Variants in BSPRY observed in about 807,000 individuals in gnomAD.
BSPRY encodes B box and SPRY domain-containing protein.
BSPRY carries 33 observed loss-of-function variants against 38.0 expected under a neutral mutation model. The observed-to-expected ratio is 0.87, with a 90% confidence interval of 0.66 to 1.16. The LOEUF (loss-of-function observed/expected upper bound fraction) is 1.16, where lower values mean the gene tolerates loss of function less well. BSPRY is among the 50% of genes most tolerant of loss of function. The pLI is 0.00. For missense variants in BSPRY, 523 were observed against 533.2 expected (o/e 0.98, Z 0.19); for synonymous variants, 224 against 228.5 (o/e 0.98, Z 0.18).
At chr9:113,363,110 A>C (rs538406452) in intron 4 of BSPRY, among the ~76,000 whole-genome samples, 41 of 152,290 alleles carry the variant, frequency 2.7e-4, no homozygotes, top group African/African-American at 9.6e-4. Context: ...ATACATGTGC[A>C]TGAGAGAAAA....
chr9:113,355,442 A>G (rs142800670), intron 2 of BSPRY, among the ~76,000 whole-genome samples: 2 of 152,198 alleles, frequency 1.3e-5, no homozygotes, highest in East Asian at 3.9e-4. Context: ...GAAAGCTGCT[A>G]GGAGTCCAGG....
chr9:113,353,779 TAA>T (rs1199441084), intron 1 of BSPRY, among the ~76,000 whole-genome samples: 1 of 152,154 alleles, frequency 6.6e-6, no homozygotes, highest in Admixed American at 6.6e-5. Flanking sequence ...GTACTAAAGA[TAA>T]AGTCACTTAG....
Position 113,358,260 on chromosome 9 carries a change from A to G in BSPRY, c.301-2247A>G, listed in dbSNP as rs549755008. Among the ~76,000 whole-genome samples, 29 of 151,420 alleles carry G rather than the reference A, an allele frequency of 1.9e-4. No homozygotes were observed. In the East Asian group the frequency reaches 5.5e-3, roughly 29 times the overall value. On this transcript the variant is annotated intron_variant, in intron 2 of 5. Coordinates refer to ENST00000374183, the MANE Select transcript of BSPRY (RefSeq NM_017688.3). Reference sequence around the variant, plus strand: ...GAGACCCTGTCTCAAAAAACAAAAAATAAAAACCTCTTTTTTTTTCTTTTT... The same window carrying G: ...GAGACCCTGTCTCAAAAAACAAAAAGTAAAAACCTCTTTTTTTTTCTTTTT...
At chr9:113,351,209 A>T (rs1398023371) in intron 1 of BSPRY, among the ~76,000 whole-genome samples, 1 of 152,096 alleles carries the variant, frequency 6.6e-6, no homozygotes, top group Non-Finnish European at 1.5e-5. Context: ...GTACTACCCT[A>T]GGGAACCTTC....
chr9:113,355,318 T>A (rs1206449585), intron 2 of BSPRY, among the ~76,000 whole-genome samples: 1 of 152,204 alleles, frequency 6.6e-6, no homozygotes, highest in Non-Finnish European at 1.5e-5. Context: ...TAGTCAGAGT[T>A]CTTTTAATTG....
In BSPRY at chr9:113,354,289, T is replaced by G; in HGVS notation, c.251T>G (p.Ile84Ser). 6.2e-7 allele frequency: 1 copy of G among 1,614,174 alleles called. No homozygotes were observed. Among genetic ancestry groups the G allele is most frequent in the East Asian group, 2.2e-5 (1 of 44,884 alleles). ...CERLQLQSAA[I>S]TKYVADVLPG... Reference sequence around the variant, plus strand: ...AGGCTGCAGTTACAGAGTGCTGCCATCACCAAGTATGTGGCGGACGTCCTG... The same window carrying G: ...AGGCTGCAGTTACAGAGTGCTGCCAGCACCAAGTATGTGGCGGACGTCCTG... The change falls in exon 2 of 6, where the codon ATC becomes AGC. Residue 84 changes from isoleucine (I) to serine (S), a missense_variant. Transcript: ENST00000374183.
Position 113,369,977 on chromosome 9 carries a change from G to A in BSPRY, c.1044G>A (p.Leu348=), listed in dbSNP as rs1159394965. The A allele has an allele frequency of 6.2e-7, 1 of 1,614,142 alleles. No individual in the cohort carries two copies. Among genetic ancestry groups the A allele is most frequent in the East Asian group, 2.2e-5 (1 of 44,890 alleles). The change falls in exon 6 of 6, where the codon CTG becomes CTA. Residue 348 remains leucine, a synonymous_variant. Transcript: ENST00000374183. The stretch of plus-strand genomic sequence containing the variant: ...GGCAGCACGAGCCCCTGGGGCTGCT[G>A]CGGGGCCCAGCCCAGCTGGGTGTAG... ...HNGQHEPLGL[L]RGPAQLGVVL...
At chr9:113,365,661 A>G (rs1834235264) in intron 4 of BSPRY, among the ~76,000 whole-genome samples, 1 of 152,088 alleles carries the variant, frequency 6.6e-6, no homozygotes, top group African/African-American at 2.4e-5. Context: ...AAGGGTACTC[A>G]GTGACCTTGC....
intron 4 of BSPRY, among the ~76,000 whole-genome samples, chr9:113,363,573 T>A (rs566975016): frequency 5.2e-4 from 79 of 152,068 alleles, no homozygotes; most frequent in Non-Finnish European, 1.0e-3. Flanking sequence ...ATGTGGCGGT[T>A]TTTTGGTTGT....
intron 2 of BSPRY, among the ~76,000 whole-genome samples, chr9:113,356,009 T>C (rs1834051941): frequency 6.6e-6 from 1 of 152,234 alleles, no homozygotes; most frequent in Non-Finnish European, 1.5e-5. Flanking sequence ...TGCCAGATAC[T>C]GTTGTTCAAT....
In BSPRY at chr9:113,349,728, G is replaced by A. The variant is rs1430690542; in HGVS notation, c.149G>A (p.Arg50His). The A allele has an allele frequency of 8.1e-7, 1 of 1,236,828 alleles. No individual in the cohort carries two copies. The highest frequency in any genetic ancestry group is 1.0e-6 in the Non-Finnish European group (1 of 991,842). 76.6% of individuals were successfully genotyped at this position (1,236,828 alleles called of 1,614,324 possible). A position where few individuals can be genotyped will look rare whatever the true frequency, so the allele number is the denominator to read the frequency against. ...GCCGCCTGCGCGGGGTTGGGCGGTC[G>A]CTGCCGGGGGCACCGCATCCGCCGG... is the stretch of plus-strand genomic sequence containing the variant. Reference protein sequence around the residue: ...VCAACAGLGGRCRGHRIRRAE... With the variant: ...VCAACAGLGGHCRGHRIRRAE... Residue 50 changes from arginine (R) to histidine (H), a missense_variant, in exon 1 of 6, where the codon CGC (arginine) becomes CAC (histidine). Coordinates refer to ENST00000374183, the MANE Select transcript of BSPRY (RefSeq NM_017688.3).
At chr9:113,354,893 T>C (rs1299735238) in intron 2 of BSPRY, among the ~76,000 whole-genome samples, 1 of 152,132 alleles carries the variant, frequency 6.6e-6, no homozygotes, top group Non-Finnish European at 1.5e-5. Flanking sequence ...AGATGGGGCC[T>C]CACTCTGTTG....
rs192218285 is a variant in BSPRY, at chr9:113,369,743, C to T, written c.810C>T (p.Asp270=). Residue 270 remains aspartate, a synonymous_variant, in exon 6 of 6, where the codon GAC becomes GAT. Transcript: ENST00000374183. The part of the protein sequence containing the change: ...KACADGPERF[D]HWPNALAATS... ...GTGCAGATGGCCCGGAGCGCTTCGACCACTGGCCCAATGCCCTGGCTGCCA... is the reference window on the plus strand; with the variant it reads ...GTGCAGATGGCCCGGAGCGCTTCGATCACTGGCCCAATGCCCTGGCTGCCA... 3.7e-4 allele frequency: 595 copies of T among 1,614,244 alleles called. 10 individuals are homozygous for T. In the East Asian group the frequency reaches 0.013, roughly 35 times the overall value.
At chr9:113,369,327 C>T (rs957529878) in intron 5 of BSPRY, among the ~76,000 whole-genome samples, 5 of 152,178 alleles carry the variant, frequency 3.3e-5, no homozygotes, top group Non-Finnish European at 7.3e-5. Context: ...TTATTTCTAT[C>T]AGAGTTTACA....
At position 113,368,418 on chromosome 9, in the gene BSPRY, A is replaced by G. The variant is rs753326494; in HGVS notation, c.682+35A>G. 3.1e-6 allele frequency: 5 copies of G among 1,603,646 alleles called. No individual in the cohort carries two copies. The South Asian group carries it at 3.3e-5, about 11-fold the overall frequency. ...AGTAGAGCCCAGGACCATTAGGACA[A>G]CTGGGCTTCTGTCTGTCTGTCTGGG... On this transcript the variant is annotated intron_variant, in intron 5 of 5. Transcript: ENST00000374183.
At chr9:113,350,189 T>C (rs1367519146) in intron 1 of BSPRY, among the ~76,000 whole-genome samples, 1 of 152,074 alleles carries the variant, frequency 6.6e-6, no homozygotes, top group Non-Finnish European at 1.5e-5. Context: ...GCTCAGCTGC[T>C]CCAGTTCTCA....
rs894273068 is a variant in BSPRY, at chr9:113,362,512, G to A, written c.557+118G>A. 1.1e-5 allele frequency: 12 copies of A among 1,090,668 alleles called. No homozygotes were observed. The African/African-American group carries it at 1.7e-4, about 15-fold the overall frequency. The allele number at this position is 1,090,668 out of a possible 1,614,324, so 67.6% of individuals were successfully genotyped here. On this transcript the variant is annotated intron_variant, in intron 4 of 5. Coordinates refer to ENST00000374183, the MANE Select transcript of BSPRY (RefSeq NM_017688.3). ...AATGCACAGGGTGTGCAGCTGAGTGGCTTTTCTGGAGCCTGGCTCTGTGGA... is the reference window on the plus strand; with the variant it reads ...AATGCACAGGGTGTGCAGCTGAGTGACTTTTCTGGAGCCTGGCTCTGTGGA...
In BSPRY at chr9:113,369,630, CGG is replaced by C. The variant is rs746737829; in HGVS notation, c.698_699del (p.Arg233HisfsTer3). On this transcript the variant is annotated frameshift_variant, in exon 6 of 6. Transcript: ENST00000374183. LOFTEE classifies it high-confidence loss of function. Reference protein sequence around the residue: ...LGSLSGTEDIRIDERTVSPFL... With the variant: ...LGSLSGTEDIXIDERTVSPFL... ...CTTTCTGGCAGGCACAGAGGACATA[CGG>C]ATCGATGAGAGGACAGTCAGCCCCT... 1.2e-6 allele frequency: 2 copies of C among 1,611,874 alleles called. No individual in the cohort carries two copies. Among genetic ancestry groups the C allele is most frequent in the Non-Finnish European group, 1.7e-6 (2 of 1,178,776 alleles).
intron 1 of BSPRY, among the ~76,000 whole-genome samples, chr9:113,353,780 A>G (rs1834011343): frequency 6.6e-6 from 1 of 152,248 alleles, no homozygotes; most frequent in South Asian, 2.1e-4. Context: ...TACTAAAGAT[A>G]AAGTCACTTA....
Sources: gnomAD v4.1 joint callset for allele counts (sites outside exome capture counted in the v4.1 genomes callset) on GRCh38, gnomAD v4.1.1 for gene constraint, MANE v1.5 for transcripts, NCBI Gene and HGNC (gene_info 2026-07-23, HGNC 2026-07-21) for gene names.